Variants in ADAMTS17 observed in about 807,000 individuals in gnomAD.
ADAMTS17 encodes the protein ADAM metallopeptidase with thrombospondin type 1 motif 17.
A neutral mutation model predicts 141.5 loss-of-function variants in ADAMTS17; 113 were observed. The observed-to-expected ratio is 0.80, with a 90% CI of 0.69 to 0.93. The LOEUF (loss-of-function observed/expected upper bound fraction) is 0.93. Among genes scored for constraint, ADAMTS17 ranks in the 40% least tolerant of loss-of-function variants. The pLI is 0.00. For missense variants in ADAMTS17, 1,659 were observed against 1,517.9 expected (o/e 1.09, Z -1.54); for synonymous variants, 768 against 630.6 (o/e 1.22, Z -3.27).
intron 20 of ADAMTS17, 194 bp from the exon 21 acceptor site, chr15:99,976,416 G>A (rs1374290251): frequency 2.7e-6 from 2 of 733,382 alleles, no homozygotes; most frequent in Admixed American, 2.1e-5. Context: ...CGAGGTCAGG[G>A]GGCTGGGACG....
chr15:100,292,224 A>G (rs1044526690), intron 3 of ADAMTS17, among the ~76,000 whole-genome samples: 3 of 150,730 alleles, frequency 2.0e-5, no homozygotes, highest in Admixed American at 6.6e-5. Context: ...CCCCGTGGGG[A>G]ATCACGAGAG....
At chr15:100,182,179 G>T (rs781438686) in intron 8 of ADAMTS17, among the ~76,000 whole-genome samples, 1 of 152,176 alleles carries the variant, frequency 6.6e-6, no homozygotes, top group Non-Finnish European at 1.5e-5. Flanking sequence ...ACATGGCTGG[G>T]GAGACCTCAG....
chr15:100,054,199 C>A, intron 15 of ADAMTS17, 145 bp from the exon 16 acceptor site: 2 of 924,428 alleles, frequency 2.2e-6, no homozygotes, highest in Non-Finnish European at 3.5e-6. Flanking sequence ...CGAGAGAAGG[C>A]GAGTGCTCTG....
In ADAMTS17 at chr15:100,197,737, A is replaced by G. The variant is rs142931993; in HGVS notation, c.1181+1581T>C. Among the ~76,000 whole-genome samples the G allele has an allele frequency of 5.8e-3, 884 of 152,252 alleles. 8 individuals are homozygous for G. The highest frequency in any genetic ancestry group is 0.02 in the African/African-American group (850 of 41,530). On this transcript the variant is annotated intron_variant, in intron 8 of 21. Transcript: ENST00000268070. ...TCCACTCTCTGTACCTACTCACATC[A>G]TGACATACAATAGGTACGGAAAGGC...
At chr15:100,325,710 G>A (rs116849391) in intron 3 of ADAMTS17, among the ~76,000 whole-genome samples, 297 of 152,130 alleles carry the variant, frequency 2.0e-3, no homozygotes, top group Admixed American at 5.0e-3. Context: ...CATGTGACAC[G>A]CTGGCTCCCC....
At chr15:100,082,007 T>C (rs915749769) in intron 15 of ADAMTS17, among the ~76,000 whole-genome samples, 2 of 152,220 alleles carry the variant, frequency 1.3e-5, no homozygotes, top group African/African-American at 4.8e-5. Context: ...TTACTAGACA[T>C]GTTGCAAAAA....
rs541405154 is a variant in ADAMTS17 at position 100,070,656 on chromosome 15, G to A, written c.2138-16602C>T. The stretch of plus-strand genomic sequence containing the variant: ...CCTGAATGACTACTGGGTACATAAC[G>A]AAATGAAGGCAGAAATAAAGATGTT... On this transcript the variant is annotated intron_variant, in intron 15 of 21. Coordinates refer to ENST00000268070, the MANE Select transcript of ADAMTS17 (RefSeq NM_139057.4). Among the ~76,000 whole-genome samples, 6 of 150,074 alleles carry A rather than the reference G, an allele frequency of 4.0e-5. 1 individual carries two copies. The highest frequency in any genetic ancestry group is 2.1e-4 in the South Asian group (1 of 4,718).
rs144346922 is a variant in ADAMTS17, at chr15:100,269,403, T to C, written c.790-6968A>G. 2.6e-3 allele frequency among the ~76,000 whole-genome samples: 391 copies of C among 152,352 alleles called. 1 individual carries two copies. Among genetic ancestry groups the C allele is most frequent in the Admixed American group, 6.1e-3 (94 of 15,306 alleles). ...TAAGCTTCTTTTATACTCTAGCCTC[T>C]GTGGTAACTAGACACATTGCTGGGA... is the stretch of plus-strand genomic sequence containing the variant. On this transcript the variant is annotated intron_variant, in intron 4 of 21. Transcript: ENST00000268070.
At chr15:100,252,138 A>G (rs1035666063) in intron 7 of ADAMTS17, among the ~76,000 whole-genome samples, 6 of 152,250 alleles carry the variant, frequency 3.9e-5, no homozygotes, top group African/African-American at 1.4e-4. Context: ...GGATATAATC[A>G]CAATTAATGG....
chr15:100,076,136 G>A (rs535100564), intron 15 of ADAMTS17, among the ~76,000 whole-genome samples: 14 of 152,096 alleles, frequency 9.2e-5, no homozygotes, highest in African/African-American at 1.2e-4. Context: ...TCCACCTTCC[G>A]GGTTCAAGCA....
chr15:100,341,175 C>T lies in ADAMTS17; in HGVS notation c.314G>A (p.Arg105Gln). The T allele has an allele frequency of 6.8e-7, 1 of 1,465,988 alleles. No individual in the cohort carries two copies. Among genetic ancestry groups the T allele is most frequent in the Admixed American group, 2.3e-5 (1 of 43,188 alleles). The allele number at this position is 1,465,988 out of a possible 1,614,324, so 90.8% of individuals were successfully genotyped here. A position where few individuals can be genotyped will look rare whatever the true frequency, so the allele number is the denominator to read the frequency against. Residue 105 changes from arginine to glutamine, a missense_variant, in exon 2 of 22, where the codon CGA becomes CAA. Arg to Gln is a conservative substitution (Grantham distance 43, BLOSUM62 1). Transcript: ENST00000268070. The part of the protein sequence containing the change: ...QLRRDLRFLS[R>Q]GFEVEEAGAA... ...GCCCGCCTCCTCCACCTCGAAGCCT[C>T]GGGACAGGAAGCGCAGGTCGCGGCG...
At chr15:100,329,842 A>G (rs2045997276) in intron 3 of ADAMTS17, among the ~76,000 whole-genome samples, 1 of 152,206 alleles carries the variant, frequency 6.6e-6, no homozygotes, top group Non-Finnish European at 1.5e-5. Context: ...CTCAACTGCA[A>G]AACTTGTTTA....
At chr15:100,077,631 G>C (rs2034470415) in intron 15 of ADAMTS17, among the ~76,000 whole-genome samples, 1 of 152,130 alleles carries the variant, frequency 6.6e-6, no homozygotes, top group African/African-American at 2.4e-5. Flanking sequence ...ACCTGATAAA[G>C]GGCATCTACA....
intron 6 of ADAMTS17, among the ~76,000 whole-genome samples, chr15:100,260,062 C>A (rs1950109416): frequency 6.6e-6 from 1 of 152,078 alleles, no homozygotes; most frequent in Non-Finnish European, 1.5e-5. Flanking sequence ...CCAAGCTGGT[C>A]TCGAACTCCT....
chr15:100,271,982 C>T (rs186222634), intron 4 of ADAMTS17, among the ~76,000 whole-genome samples: 2 of 152,116 alleles, frequency 1.3e-5, no homozygotes, highest in Non-Finnish European at 2.9e-5. Context: ...TGTCACTTCT[C>T]TATTGAAGGT....
rs534343016 is a variant in ADAMTS17, at chr15:100,085,186, C to T, written c.2137+11170G>A. On this transcript the variant is annotated intron_variant, in intron 15 of 21. Transcript: ENST00000268070. ...GCTGAAAGCCATGGCACAGGAACTACGTGACAAATGCACAAGGCCTCAGTA... is the reference window on the plus strand; with the variant it reads ...GCTGAAAGCCATGGCACAGGAACTATGTGACAAATGCACAAGGCCTCAGTA... Among the ~76,000 whole-genome samples the T allele has an allele frequency of 1.4e-3, 217 of 152,172 alleles. 1 individual carries two copies. The highest frequency in any genetic ancestry group is 5.0e-3 in the African/African-American group (209 of 41,504).
intron 15 of ADAMTS17, among the ~76,000 whole-genome samples, chr15:100,067,750 C>CA (rs1460723753): frequency 2.0e-5 from 3 of 151,810 alleles, no homozygotes; most frequent in South Asian, 4.2e-4. Flanking sequence ...TTAATTTGTA[C>CA]AAAAAATGCA....
At chr15:100,108,610 T>TGC (rs2036551982) in intron 14 of ADAMTS17, among the ~76,000 whole-genome samples, 1 of 152,250 alleles carries the variant, frequency 6.6e-6, no homozygotes, top group African/African-American at 2.4e-5. Flanking sequence ...TGGCGTGACC[T>TGC]GCACAGGCAT....
intron 4 of ADAMTS17, among the ~76,000 whole-genome samples, chr15:100,278,131 G>A (rs2044159997): frequency 6.6e-6 from 1 of 152,184 alleles, no homozygotes; most frequent in Non-Finnish European, 1.5e-5. Context: ...GAGGTTGGCA[G>A]GGGCTGGGGG....
Sources: gnomAD v4.1 joint callset for allele counts (sites outside exome capture counted in the v4.1 genomes callset) on GRCh38, gnomAD v4.1.1 for gene constraint, MANE v1.5 for transcripts, NCBI Gene and HGNC (gene_info 2026-07-23, HGNC 2026-07-21) for gene names.